The following NCOA2 variants were observed in gnomAD, a reference collection of about 807,000 sequenced individuals.
The protein encoded by NCOA2 is nuclear receptor coactivator 2, also known as class E basic helix-loop-helix protein 75.
A neutral mutation model predicts 145.1 loss-of-function variants in NCOA2; 21 were observed. The observed-to-expected ratio is 0.14, with a 90% confidence interval of 0.10 to 0.21. NCOA2 has a LOEUF of 0.21. Ranked by LOEUF, NCOA2 falls within the 10% of genes least tolerant of loss-of-function variation. NCOA2 has a pLI of 1.00. For missense variants in NCOA2, 1,472 were observed against 1,837.6 expected, an observed-to-expected ratio of 0.80 and a Z score of 3.64; for synonymous variants, 619 against 637.5, an observed-to-expected ratio of 0.97 and a Z score of 0.44.
At chr8:70,386,449 CTG>C (rs999226223) in intron 1 of NCOA2, among the ~76,000 whole-genome samples, 4 of 152,236 alleles carry the variant, frequency 2.6e-5, no homozygotes, top group African/African-American at 9.6e-5. Flanking sequence ...TCAGGGAGAA[CTG>C]TGTTCATTAT....
At chr8:70,261,643 T>C (rs1387354562) in intron 2 of NCOA2, among the ~76,000 whole-genome samples, 2 of 151,928 alleles carry the variant, frequency 1.3e-5, no homozygotes, top group African/African-American at 4.8e-5. Context: ...AGCTAAAAAA[T>C]GATTAACAAC....
At chr8:70,303,404 G>A (rs1586427495) in intron 1 of NCOA2, among the ~76,000 whole-genome samples, 1 of 152,052 alleles carries the variant, frequency 6.6e-6, no homozygotes, top group East Asian at 1.9e-4. Flanking sequence ...AGAAGGAGAG[G>A]GTGGTCCCCA....
At chr8:70,306,035 TATAG>T (rs1322881389) in intron 1 of NCOA2, among the ~76,000 whole-genome samples, 1 of 152,190 alleles carries the variant, frequency 6.6e-6, no homozygotes, top group Non-Finnish European at 1.5e-5. Flanking sequence ...TGTGAGACTA[TATAG>T]AGTTTTTTGT....
intron 1 of NCOA2, chr8:70,401,736 A>G (rs1439596929): frequency 6.6e-6 from 1 of 152,182 alleles, no homozygotes; most frequent in Non-Finnish European, 1.5e-5. Flanking sequence ...CATTGTCCCC[A>G]TTCTGGCATA....
At chr8:70,170,173 G>A (rs753370425) in intron 6 of NCOA2, 29 bp downstream of exon 6, 11 of 1,606,148 alleles carry the variant, frequency 6.8e-6, no homozygotes, top group Middle Eastern at 1.6e-4. Flanking sequence ...GTGACGGGAG[G>A]TAGGGAGGGA....
chr8:70,368,132 A>G (rs191254674), intron 1 of NCOA2, among the ~76,000 whole-genome samples: 65 of 152,362 alleles, frequency 4.3e-4, no homozygotes, highest in African/African-American at 1.4e-3. Flanking sequence ...AAGCTGCAAC[A>G]ATTTCAAAAC....
chr8:70,147,921 T>C (rs887734549), intron 12 of NCOA2, among the ~76,000 whole-genome samples: 6 of 152,230 alleles, frequency 3.9e-5, no homozygotes, highest in Admixed American at 2.6e-4. Flanking sequence ...AAATGTTATA[T>C]ATTTCAGTAT....
At chr8:70,136,537 C>A (rs1809752861) in intron 15 of NCOA2, among the ~76,000 whole-genome samples, 1 of 142,034 alleles carries the variant, frequency 7.0e-6, no homozygotes. Context: ...TTTTATATAC[C>A]AGATGAATGA....
the NCOA2 span, among the ~76,000 whole-genome samples, chr8:70,418,375 T>C: frequency 6.6e-6 from 1 of 152,182 alleles, no homozygotes; most frequent in African/African-American, 2.4e-5. Flanking sequence ...TACCATAAAA[T>C]GAGTTTCTTG....
chr8:70,156,749 G>A lies in NCOA2; in HGVS notation c.1616C>T (p.Ala539Val). ...YTNSSLNALQ[A>V]LSEGHGVSLG... ...TGAGACCCCGTGCCCCTCGCTGAGG[G>A]CCTGAAGTGCATTGAGGGAGCTGTT... The change falls in exon 11 of 23, where the codon GCC becomes GTC. Residue 539 changes from alanine to valine, a missense_variant. This residue lies in a region of NCOA2 where 953 missense variants were observed against 1,062.1 expected (regional missense o/e 0.90). Coordinates refer to ENST00000452400, the MANE Select transcript of NCOA2 (RefSeq NM_006540.4). 6.2e-7 allele frequency: 1 copy of A among 1,614,012 alleles called. No homozygotes were observed. Among genetic ancestry groups the A allele is most frequent in the Non-Finnish European group, 8.5e-7 (1 of 1,179,886 alleles).
intron 2 of NCOA2, among the ~76,000 whole-genome samples, chr8:70,287,951 T>G (rs1331805826): frequency 6.6e-6 from 1 of 152,048 alleles, no homozygotes; most frequent in Non-Finnish European, 1.5e-5. Context: ...TTGTTTGTTT[T>G]AAGAGAACCA....
At chr8:70,270,031 T>A (rs749650825) in intron 2 of NCOA2, among the ~76,000 whole-genome samples, 8 of 152,074 alleles carry the variant, frequency 5.3e-5, no homozygotes, top group Admixed American at 2.0e-4. Context: ...GCCAGGCTCA[T>A]TTTTAAATTT....
chr8:70,213,784 A>T (rs1318457690), intron 4 of NCOA2, 119 bp downstream of exon 4: 1 of 828,210 alleles, frequency 1.2e-6, no homozygotes, highest in Non-Finnish European at 1.8e-6. Context: ...CTGTGACATC[A>T]TTTCCTCATC....
At chr8:70,226,880 T>C (rs1647061630) in intron 2 of NCOA2, among the ~76,000 whole-genome samples, 2 of 152,162 alleles carry the variant, frequency 1.3e-5, no homozygotes, top group South Asian at 2.1e-4. Context: ...TAAAGGTTAC[T>C]AAAATTGCCC....
At chr8:70,405,450 T>TG (rs1814735946), upstream of NCOA2, among the ~76,000 whole-genome samples, 1 of 129,584 alleles carries the variant, frequency 7.7e-6, no homozygotes, top group Non-Finnish European at 1.6e-5. Context: ...TTTTTTTTTT[T>TG]TTTTTTTTTT....
chr8:70,444,857 T>C, the NCOA2 span, among the ~76,000 whole-genome samples: 1 of 152,218 alleles, frequency 6.6e-6, no homozygotes, highest in Non-Finnish European at 1.5e-5. Context: ...GTTTTATAGT[T>C]CAAAATTACA....
chr8:70,233,914 T>G (rs753286057), intron 2 of NCOA2, among the ~76,000 whole-genome samples: 1 of 152,152 alleles, frequency 6.6e-6, no homozygotes. Flanking sequence ...CATTAAAAAG[T>G]AGTTTTAGTG....
At position 70,112,355 on chromosome 8, in the gene NCOA2, A is replaced by G. The variant is rs1178545249; in HGVS notation, c.*1277T>C. The G allele has an allele frequency of 1.6e-5, 3 of 193,472 alleles. No homozygotes were observed. The highest frequency in any genetic ancestry group is 3.2e-5 in the Non-Finnish European group (3 of 92,464). The allele number at this position is 193,472 out of a possible 1,614,324, so 12.0% of individuals were successfully genotyped here. A position where few individuals can be genotyped will look rare whatever the true frequency, so the allele number is the denominator to read the frequency against. On this transcript the variant is annotated 3_prime_UTR_variant, in exon 23 of 23. Coordinates refer to ENST00000452400, the MANE Select transcript of NCOA2 (RefSeq NM_006540.4). ...TATACCTCACAAAAATTATACAATTAAAACACATAAGTTCTCAACTTAAAT... is the reference window on the plus strand; with the variant it reads ...TATACCTCACAAAAATTATACAATTGAAACACATAAGTTCTCAACTTAAAT...
At chr8:70,185,495 C>T (rs1338673303) in intron 4 of NCOA2, among the ~76,000 whole-genome samples, 2 of 152,146 alleles carry the variant, frequency 1.3e-5, no homozygotes. Context: ...GCTGAGAGGA[C>T]AGCAGACTCC....
Sources: allele counts gnomAD v4.1 joint callset (sites outside exome capture counted in the v4.1 genomes callset), GRCh38; gene constraint gnomAD v4.1.1; regional missense constraint gnomAD v4.1.1; transcripts MANE v1.5; gene names NCBI Gene and HGNC (gene_info 2026-07-23, HGNC 2026-07-21).